SLC39A12: variants seen among roughly 807,000 people sequenced by gnomAD.
SLC39A12 encodes solute carrier family 39 member 12.
SLC39A12 carries 63 observed loss-of-function variants against 71.1 expected under a neutral mutation model. The observed-to-expected ratio is 0.89, with a 90% confidence interval of 0.72 to 1.09. The LOEUF is 1.09. SLC39A12 is among the 50% of genes least tolerant of loss of function. The probability of loss-of-function intolerance (pLI) is 0.00; values close to 1 mark genes in which losing one functional copy is unlikely to be tolerated. For synonymous variants in SLC39A12, 351 were observed against 301.3 expected (o/e 1.16, Z -1.71); for missense variants, 892 against 812.6 (o/e 1.10, Z -1.19).
chr10:18,018,413 T>G (rs535074972), intron 12 of SLC39A12, among the ~76,000 whole-genome samples: 19 of 152,322 alleles, frequency 1.2e-4, no homozygotes, highest in African/African-American at 4.3e-4. Flanking sequence ...ACTTCCAGTA[T>G]GATGTTGAGA....
At position 18,043,023 on chromosome 10, in the gene SLC39A12, T is replaced by G; in HGVS notation, c.*190T>G. ...AAACATATAAATATCAGACTGTCCTTAATTGAAATTTTGTCTTTGGTTTCC... is the reference window on the plus strand; with the variant it reads ...AAACATATAAATATCAGACTGTCCTGAATTGAAATTTTGTCTTTGGTTTCC... On this transcript the variant is annotated 3_prime_UTR_variant, in exon 13 of 13. Transcript: ENST00000377369. 1 of 349,640 alleles carries G rather than the reference T, an allele frequency of 2.9e-6. No individual in the cohort carries two copies. The highest frequency in any genetic ancestry group is 4.7e-6 in the Non-Finnish European group (1 of 210,834). 21.7% of individuals were successfully genotyped at this position (349,640 alleles called of 1,614,324 possible).
chr10:18,012,940 A>G (rs1836270994), intron 12 of SLC39A12, among the ~76,000 whole-genome samples: 1 of 151,718 alleles, frequency 6.6e-6, no homozygotes, highest in Non-Finnish European at 1.5e-5. Flanking sequence ...AAGCGTGAGG[A>G]CATGAGAGCT....
chr10:18,032,119 C>T (rs1355327812), intron 12 of SLC39A12, among the ~76,000 whole-genome samples: 3 of 115,728 alleles, frequency 2.6e-5, no homozygotes, highest in African/African-American at 4.0e-5. Flanking sequence ...TTAGGATTGA[C>T]TTGGCGACGC....
At chr10:17,989,626 A>T (rs1306716556) in intron 7 of SLC39A12, among the ~76,000 whole-genome samples, 1 of 151,988 alleles carries the variant, frequency 6.6e-6, no homozygotes, top group Non-Finnish European at 1.5e-5. Context: ...TTGCTTAAGG[A>T]AAGAGACAAG....
intron 12 of SLC39A12, among the ~76,000 whole-genome samples, chr10:18,025,130 T>C (rs1836639872): frequency 6.6e-6 from 1 of 152,234 alleles, no homozygotes. Context: ...CTGTTTCTTA[T>C]TCATTACTTT....
chr10:17,959,287 A>G (rs1244918471), intron 2 of SLC39A12, among the ~76,000 whole-genome samples: 1 of 152,086 alleles, frequency 6.6e-6, no homozygotes, highest in African/African-American at 2.4e-5. Flanking sequence ...GGAGCCTAAT[A>G]TCCACATTGA....
chr10:18,003,680 T>G (rs893752651), intron 12 of SLC39A12, among the ~76,000 whole-genome samples: 1 of 152,192 alleles, frequency 6.6e-6, no homozygotes, highest in Admixed American at 6.5e-5. Flanking sequence ...AATCATCAGC[T>G]CATTCGATTC....
At chr10:18,005,115 A>G (rs1015400601) in intron 12 of SLC39A12, among the ~76,000 whole-genome samples, 1 of 152,078 alleles carries the variant, frequency 6.6e-6, no homozygotes, top group African/African-American at 2.4e-5. Flanking sequence ...TAAAGAGCTA[A>G]TGCATGCTAG....
intron 12 of SLC39A12, among the ~76,000 whole-genome samples, chr10:18,023,966 TCTTAGACC>T (rs1430155576): frequency 6.6e-6 from 1 of 152,130 alleles, no homozygotes; most frequent in African/African-American, 2.4e-5. Flanking sequence ...GGCCTGCAAG[TCTTAGACC>T]CTTTGCTCTA....
chr10:18,033,748 G>A (rs1836919141), intron 12 of SLC39A12, among the ~76,000 whole-genome samples: 1 of 141,862 alleles, frequency 7.0e-6, no homozygotes, highest in African/African-American at 2.6e-5. Context: ...ATGTTAGGGT[G>A]TCAATTTTGG....
At chr10:17,993,043 A>C in intron 8 of SLC39A12, 138 bp from the exon 9 acceptor site, 1 of 541,904 alleles carries the variant, frequency 1.8e-6, no homozygotes, top group South Asian at 3.4e-5. Flanking sequence ...GTTGCATTCC[A>C]TTCTTAAAGC....
chr10:17,981,688 G>C (rs777867213), intron 6 of SLC39A12, among the ~76,000 whole-genome samples: 23 of 152,182 alleles, frequency 1.5e-4, no homozygotes, highest in Non-Finnish European at 3.1e-4. Flanking sequence ...GAGATTAAGT[G>C]ACTTTCCCAA....
chr10:18,030,779 T>C (rs1836824295), intron 12 of SLC39A12, among the ~76,000 whole-genome samples: 1 of 138,074 alleles, frequency 7.2e-6, no homozygotes, highest in Non-Finnish European at 1.6e-5. Flanking sequence ...CTCCCAATGC[T>C]ATCCCTCCCC....
intron 11 of SLC39A12, among the ~76,000 whole-genome samples, chr10:18,001,380 G>A (rs563504187): frequency 6.6e-6 from 1 of 152,258 alleles, no homozygotes; most frequent in East Asian, 1.9e-4. Flanking sequence ...CAGGTGTGGT[G>A]GCCCAGGCCT....
At chr10:17,953,599 T>C (rs1363188568) in intron 2 of SLC39A12, 62 bp downstream of exon 2, 7 of 1,549,938 alleles carry the variant, frequency 4.5e-6, no homozygotes, top group Middle Eastern at 2.1e-4. Context: ...ATGGATTCTA[T>C]AGGGATTTAT....
intron 6 of SLC39A12, 59 bp from the exon 7 acceptor site, chr10:17,987,420 C>G (rs1835426266): frequency 6.4e-7 from 1 of 1,551,450 alleles, no homozygotes; most frequent in African/African-American, 1.4e-5. Context: ...TTTTCGCCAG[C>G]TGAGGCCGGA....
At chr10:18,010,590 A>G (rs899567630) in intron 12 of SLC39A12, 8 of 152,290 alleles carry the variant, frequency 5.3e-5, no homozygotes, top group African/African-American at 1.7e-4. Flanking sequence ...CACACTTAGA[A>G]ATTTTCTACT....
chr10:18,027,089 ATGT>A (rs1243742017), intron 12 of SLC39A12, among the ~76,000 whole-genome samples: 5 of 152,218 alleles, frequency 3.3e-5, no homozygotes, highest in African/African-American at 7.2e-5. Context: ...AAAGGTGAAC[ATGT>A]TGTACTGAGT....
chr10:18,042,788 T>G lies in SLC39A12; in HGVS notation c.2031T>G (p.Leu677=). 6.2e-7 allele frequency: 1 copy of G among 1,613,454 alleles called. No individual in the cohort carries two copies. The highest frequency in any genetic ancestry group is 8.5e-7 in the Non-Finnish European group (1 of 1,179,740). ...LQNFGLILGW[L]SLLLLAIYEQ... ...ACTTTGGATTGATCCTAGGTTGGCT[T>G]TCTCTCCTGCTCTTGGCTATATATG... is the stretch of plus-strand genomic sequence containing the variant. The change falls in exon 13 of 13, where the codon CTT becomes CTG. Residue 677 remains leucine, a synonymous_variant. Transcript: ENST00000377369.
Sources: allele counts gnomAD v4.1 joint callset (sites outside exome capture counted in the v4.1 genomes callset), GRCh38; gene constraint gnomAD v4.1.1; transcripts MANE v1.5; gene names NCBI Gene and HGNC (gene_info 2026-07-23, HGNC 2026-07-21).